CEP128: variants seen among roughly 807,000 people sequenced by gnomAD.
CEP128 encodes centrosomal protein 128kDa.
A neutral mutation model predicts 156.7 loss-of-function variants in CEP128; 132 were observed. That is an observed-to-expected ratio of 0.84 (90% CI 0.73 to 0.97). The LOEUF (loss-of-function observed/expected upper bound fraction) is 0.97. Among genes scored for constraint, CEP128 ranks in the 50% least tolerant of loss-of-function variants. The pLI, the probability that CEP128 is intolerant of heterozygous loss-of-function variation, is 0.00. For missense variants in CEP128, 1,252 were observed against 1,281.9 expected, an observed-to-expected ratio of 0.98 and a Z score of 0.36; for synonymous variants, 469 against 448.9, an observed-to-expected ratio of 1.04 and a Z score of -0.57.
chr14:80,493,220 G>C (rs1050021304), downstream of CEP128, among the ~76,000 whole-genome samples: 3 of 152,140 alleles, frequency 2.0e-5, no homozygotes, highest in African/African-American at 7.2e-5. Context: ...GAGAGCATTC[G>C]TCCAGAGAAT....
chr14:80,565,008 G>C (rs768611193), intron 20 of CEP128, among the ~76,000 whole-genome samples: 2 of 151,982 alleles, frequency 1.3e-5, no homozygotes, highest in Non-Finnish European at 2.9e-5. Context: ...GCAGTGAGTC[G>C]AGATCACACC....
At chr14:80,511,344 AT>A (rs1198636269) in intron 23 of CEP128, among the ~76,000 whole-genome samples, 7 of 152,036 alleles carry the variant, frequency 4.6e-5, no homozygotes, top group Admixed American at 1.3e-4. Flanking sequence ...AGTAGGTTGT[AT>A]GTGTCCAGAA....
chr14:80,483,208 T>G (rs2140148826), intron 14 of CEP128, among the ~76,000 whole-genome samples: 1 of 152,216 alleles, frequency 6.6e-6, no homozygotes, highest in East Asian at 1.9e-4. Flanking sequence ...TCAAGGATTT[T>G]GTTCCACATT....
In CEP128 at chr14:80,872,269, C is replaced by T. The variant is rs763454975; in HGVS notation, c.646-9396G>A. 1.4e-4 allele frequency among the ~76,000 whole-genome samples: 21 copies of T among 152,078 alleles called. 1 individual carries two copies. The highest frequency in any genetic ancestry group is 1.8e-4 in the Non-Finnish European group (12 of 67,998). ...TATAAGGCCTATGCAATATTGATTG[C>T]GTATCACCACAATTAAGTGTTAATA... On this transcript the variant is annotated intron_variant, in intron 8 of 24. Coordinates refer to ENST00000555265, the MANE Select transcript of CEP128 (RefSeq NM_152446.5).
chr14:80,931,237 T>C (rs1336211616), intron 2 of CEP128, among the ~76,000 whole-genome samples: 5 of 152,224 alleles, frequency 3.3e-5, no homozygotes, highest in African/African-American at 9.6e-5. Flanking sequence ...TGTGTTGGTA[T>C]GTGCACAGAC....
chr14:80,626,900 C>T (rs1224859176), intron 19 of CEP128, among the ~76,000 whole-genome samples: 2 of 152,196 alleles, frequency 1.3e-5, no homozygotes, highest in Non-Finnish European at 2.9e-5. Flanking sequence ...CCATTGCACT[C>T]CCGCCTGGGC....
intron 15 of CEP128, among the ~76,000 whole-genome samples, chr14:80,781,455 C>CAAAA (rs67179008): frequency 2.1e-3 from 191 of 90,400 alleles, no homozygotes; most frequent in Non-Finnish European, 3.3e-3. Flanking sequence ...GACTCCGTCT[C>CAAAA]AAAAAAAAAA....
chr14:80,940,719 C>T (rs1029829856), intron 1 of CEP128, among the ~76,000 whole-genome samples: 1 of 151,952 alleles, frequency 6.6e-6, no homozygotes, highest in Admixed American at 6.6e-5. Flanking sequence ...ATATTTACTC[C>T]ATTGAAAACA....
At chr14:80,734,071 A>G (rs1369703664) in intron 19 of CEP128, among the ~76,000 whole-genome samples, 1 of 152,110 alleles carries the variant, frequency 6.6e-6, no homozygotes, top group Non-Finnish European at 1.5e-5. Flanking sequence ...ATCACCCCTT[A>G]CATGGCTAAA....
intron 19 of CEP128, among the ~76,000 whole-genome samples, chr14:80,710,245 C>T (rs1176796237): frequency 1.3e-5 from 2 of 151,978 alleles, no homozygotes; most frequent in African/African-American, 4.8e-5. Context: ...ATCTCCCTCA[C>T]TAGATATATG....
At chr14:80,913,869 T>C (rs1884393504) in intron 4 of CEP128, among the ~76,000 whole-genome samples, 1 of 152,220 alleles carries the variant, frequency 6.6e-6, no homozygotes. Flanking sequence ...ACTTCATCAC[T>C]ATACAATTCA....
chr14:80,914,434 A>C (rs2139494889), intron 3 of CEP128, 26 bp from the exon 4 acceptor site: 1 of 1,527,698 alleles, frequency 6.5e-7, no homozygotes, highest in African/African-American at 1.4e-5. Context: ...GGACTGAATT[A>C]ATTATTCCAA....
At chr14:80,488,958 G>A (rs188840161), downstream of CEP128, among the ~76,000 whole-genome samples, 1,373 of 146,904 alleles carry the variant, frequency 9.3e-3, 16 homozygotes, top group African/African-American at 0.032. Flanking sequence ...CACAGGAAGG[G>A]GAACATCACA....
At position 80,950,566 on chromosome 14, in the gene CEP128, C is replaced by T. The variant is rs555095419; in HGVS notation, c.-172+7612G>A. Among the ~76,000 whole-genome samples the T allele has an allele frequency of 3.5e-4, 54 of 152,134 alleles. 1 individual carries two copies. The South Asian group carries it at 0.011, about 32-fold the overall frequency. Reference sequence around the variant, plus strand: ...CAAAAAAGAATACTGAATTTGAAGACATAGCAAAAGAAACAATCCATAATC... The same window carrying T: ...CAAAAAAGAATACTGAATTTGAAGATATAGCAAAAGAAACAATCCATAATC... On this transcript the variant is annotated intron_variant, in intron 2 of 7. Transcript: ENST00000555529.
chr14:80,525,563 G>T (rs1242773877), intron 23 of CEP128, among the ~76,000 whole-genome samples: 4 of 152,132 alleles, frequency 2.6e-5, no homozygotes, highest in Non-Finnish European at 4.4e-5. Flanking sequence ...TCCTTTACAT[G>T]ATGCAGAAAT....
At chr14:80,937,297 G>T (rs1885862354) in intron 2 of CEP128, among the ~76,000 whole-genome samples, 1 of 152,082 alleles carries the variant, frequency 6.6e-6, no homozygotes, top group Non-Finnish European at 1.5e-5. Flanking sequence ...CTTCAGCCTG[G>T]GTGACAGAGT....
chr14:80,792,835 A>C lies in CEP128; in HGVS notation c.1485T>G (p.Leu495=). ...KAQESIRQWK[L]KHKKLERALE... is the part of the protein sequence containing the mutation. ...ACGCTCGTTCTAACTTCTTATGCTTAAGCTTCCACTGCCTAATGGATTCTT... is the reference window on the plus strand; with the variant it reads ...ACGCTCGTTCTAACTTCTTATGCTTCAGCTTCCACTGCCTAATGGATTCTT... Residue 495 remains leucine, a synonymous_variant, in exon 14 of 25, where the codon CTT becomes CTG. Transcript: ENST00000555265. The C allele has an allele frequency of 6.2e-7, 1 of 1,614,174 alleles. No homozygotes were observed.
At chr14:80,488,919 G>A (rs928293136), downstream of CEP128, among the ~76,000 whole-genome samples, 45 of 148,044 alleles carry the variant, frequency 3.0e-4, no homozygotes, top group African/African-American at 1.1e-3. Flanking sequence ...TCACTCATAG[G>A]TGGGAATTGA....
chr14:80,882,234 AT>A (rs928786905), intron 8 of CEP128, among the ~76,000 whole-genome samples: 5 of 152,170 alleles, frequency 3.3e-5, no homozygotes, highest in African/African-American at 1.2e-4. Flanking sequence ...AGAAAAAAAA[AT>A]CTCATAATCC....
Sources: gnomAD v4.1 joint callset for allele counts (sites outside exome capture counted in the v4.1 genomes callset) on GRCh38, gnomAD v4.1.1 for gene constraint, MANE v1.5 for transcripts, NCBI Gene and HGNC (gene_info 2026-07-23, HGNC 2026-07-21) for gene names.